The following IGF1R variants were observed in gnomAD, a reference collection of about 807,000 sequenced individuals.
IGF1R encodes the protein insulin like growth factor 1 receptor, also known as insulin-like growth factor 1 receptor.
Under a neutral mutation model 144.6 loss-of-function variants are expected in IGF1R, and 44 were observed. The observed-to-expected ratio is 0.30, with a 90% CI of 0.24 to 0.39. IGF1R has a LOEUF of 0.39. IGF1R is among the 10% of genes least tolerant of loss of function. IGF1R has a pLI of 1.00. For synonymous variants in IGF1R, 795 were observed against 722.8 expected (o/e 1.10, Z -1.60); for missense variants, 1,355 against 1,833.7 (o/e 0.74, Z 4.77).
chr15:98,864,416 C>A (rs941527533), intron 2 of IGF1R, among the ~76,000 whole-genome samples: 1 of 152,300 alleles, frequency 6.6e-6, no homozygotes, highest in South Asian at 2.1e-4. Flanking sequence ...GACATCTTGG[C>A]CTGTCACCCA....
Position 98,662,037 on chromosome 15 carries a change from A to G in IGF1R, c.94+12362A>G, listed in dbSNP as rs1255271176. 2.1e-5 allele frequency among the ~76,000 whole-genome samples: 3 copies of G among 141,036 alleles called. No homozygotes were observed. In the Admixed American group the frequency reaches 2.4e-4, roughly 11 times the overall value. 92.5% of individuals were successfully genotyped at this position (141,036 alleles called of 152,430 possible). A position where few individuals can be genotyped will look rare whatever the true frequency, so the allele number is the denominator to read the frequency against. On this transcript the variant is annotated intron_variant, in intron 1 of 20. Transcript: ENST00000650285. ...GAGTGCAGTGGTGCAATCTCCGCTC[A>G]CTGCAACCTCTGCCTTACTGCAACC...
At position 98,961,900 on chromosome 15, in the gene IGF1R, C is replaced by T. The variant is rs2654981; in HGVS notation, c.*4458C>T. On this transcript the variant is annotated 3_prime_UTR_variant, in exon 21 of 21. Transcript: ENST00000650285. Reference sequence around the variant, plus strand: ...GATGCGGAGTCACATTTCAATGGTACGAAAAGTGGCTTCGTAAAATAGAAG... The same window carrying T: ...GATGCGGAGTCACATTTCAATGGTATGAAAAGTGGCTTCGTAAAATAGAAG... 3.4e-5 allele frequency: 8 copies of T among 233,022 alleles called. No homozygotes were observed. Among genetic ancestry groups the T allele is most frequent in the Non-Finnish European group, 6.8e-5 (8 of 118,032 alleles). 14.4% of individuals were successfully genotyped at this position (233,022 alleles called of 1,614,324 possible).
chr15:98,739,016 A>T (rs1360045674), intron 2 of IGF1R, among the ~76,000 whole-genome samples: 1 of 152,186 alleles, frequency 6.6e-6, no homozygotes, highest in Non-Finnish European at 1.5e-5. Context: ...TCTGAGTGAC[A>T]TCTTGCCTTG....
intron 8 of IGF1R, among the ~76,000 whole-genome samples, chr15:98,915,472 A>G (rs928042952): frequency 1.3e-5 from 2 of 152,116 alleles, no homozygotes; most frequent in African/African-American, 4.8e-5. Flanking sequence ...ACTCCTTCAC[A>G]CACACAGACT....
chr15:98,956,910 A>G, intron 20 of IGF1R, 151 bp from the exon 21 acceptor site: 1 of 864,284 alleles, frequency 1.2e-6, no homozygotes, highest in Non-Finnish European at 1.9e-6. Flanking sequence ...CCATCCAGGC[A>G]GAAAGCCAGG....
chr15:98,868,359 G>GT (rs755693206), intron 2 of IGF1R, among the ~76,000 whole-genome samples: 1,877 of 78,214 alleles, frequency 0.024, 31 homozygotes, highest in Middle Eastern at 0.12. Flanking sequence ...AATCTGTTGG[G>GT]TTTTTTTTTT....
intron 1 of IGF1R, among the ~76,000 whole-genome samples, chr15:98,691,367 GT>G (rs746317149): frequency 0.32 from 41,697 of 131,836 alleles, 5,927 homozygotes; most frequent in African/African-American, 0.45. Flanking sequence ...GGTTTTTTTT[GT>G]TTTTTTTTTT....
intron 2 of IGF1R, among the ~76,000 whole-genome samples, chr15:98,865,659 G>T (rs777304113): frequency 5.3e-5 from 8 of 152,196 alleles, no homozygotes; most frequent in Non-Finnish European, 1.2e-4. Flanking sequence ...ATTTGGAAAT[G>T]CGTAAAAGGT....
At position 98,891,487 on chromosome 15, in the gene IGF1R, C is replaced by A. The variant is rs2013913623; in HGVS notation, c.803C>A (p.Thr268Asn). 2 of 1,614,124 alleles carry A rather than the reference C, an allele frequency of 1.2e-6. No individual in the cohort carries two copies. The highest frequency in any genetic ancestry group is 1.6e-4 in the Middle Eastern group (1 of 6,062). ...GVCVPACPPN[T>N]YRFEGWRCVD... is the part of the protein sequence containing the mutation. The stretch of plus-strand genomic sequence containing the variant: ...TGTGTGCCTGCCTGCCCGCCCAACA[C>A]CTACAGGTTTGAGGGCTGGCGCTGT... The change falls in exon 3 of 21, where the codon ACC (threonine) becomes AAC (asparagine). Residue 268 changes from threonine (T) to asparagine (N), a missense_variant. Thr to Asn is a moderately conservative substitution (Grantham distance 65, BLOSUM62 0). Coordinates refer to ENST00000650285, the MANE Select transcript of IGF1R (RefSeq NM_000875.5). This position sits in a 1 kb window ranked among gnomAD's most constrained non-coding sequence, Gnocchi z 4.7.
chr15:98,846,595 C>G (rs1399077665), intron 2 of IGF1R, among the ~76,000 whole-genome samples: 2 of 152,188 alleles, frequency 1.3e-5, no homozygotes, highest in Non-Finnish European at 2.9e-5. Context: ...GAGGCACTGT[C>G]CAGTCTCTGG....
intron 2 of IGF1R, among the ~76,000 whole-genome samples, chr15:98,733,531 G>A (rs1156739417): frequency 1.3e-5 from 2 of 151,102 alleles, no homozygotes; most frequent in Admixed American, 1.3e-4. Flanking sequence ...TGGTCCAGAC[G>A]AGGCCAGAGG....
intron 2 of IGF1R, among the ~76,000 whole-genome samples, chr15:98,824,634 G>A (rs1320926707): frequency 3.3e-5 from 5 of 152,120 alleles, no homozygotes; most frequent in Admixed American, 3.3e-4. Context: ...CCAAAAGGCT[G>A]GGCCCTTGTC....
At chr15:98,933,885 C>T (rs1035566047) in intron 15 of IGF1R, among the ~76,000 whole-genome samples, 3 of 152,192 alleles carry the variant, frequency 2.0e-5, no homozygotes, top group Admixed American at 2.0e-4. Context: ...AGGGATCCAG[C>T]CATCAAAGCC....
rs1315369578 is a variant in IGF1R at position 98,948,556 on chromosome 15, G to A, written c.3588-18G>A. On this transcript the variant is annotated intron_variant, in intron 19 of 20. Coordinates refer to ENST00000650285, the MANE Select transcript of IGF1R (RefSeq NM_000875.5). ...TCCATCCCTTTCCAAGCTCCTCACA[G>A]TTTTTTTCTCCCTGTAGGTCCTTCG... 2.5e-6 allele frequency: 4 copies of A among 1,613,414 alleles called. No homozygotes were observed. The highest frequency in any genetic ancestry group is 2.2e-5 in the South Asian group (2 of 91,052).
intron 1 of IGF1R, chr15:98,650,831 C>T (rs2052343928): frequency 1.2e-6 from 1 of 869,234 alleles, no homozygotes; most frequent in Non-Finnish European, 1.4e-6. Flanking sequence ...AGTGTCGCTC[C>T]ACATTCGCTG....
chr15:98,933,814 A>T (rs1326808562), intron 15 of IGF1R, among the ~76,000 whole-genome samples: 1 of 152,020 alleles, frequency 6.6e-6, no homozygotes, highest in African/African-American at 2.4e-5. Context: ...TTGCCTGTCC[A>T]CGCTGGGCAC....
At chr15:98,764,698 A>G (rs73475653) in intron 2 of IGF1R, among the ~76,000 whole-genome samples, 2,532 of 152,290 alleles carry the variant, frequency 0.017, 67 homozygotes, top group African/African-American at 0.058. Flanking sequence ...ATACTGTTCT[A>G]TTTCCAGCTC....
chr15:98,767,799 C>T (rs1053367699), intron 2 of IGF1R, among the ~76,000 whole-genome samples: 4 of 152,208 alleles, frequency 2.6e-5, no homozygotes, highest in African/African-American at 9.6e-5. Flanking sequence ...AGGGCTTCCA[C>T]CTCCTGCTGG....
At chr15:98,887,211 G>A (rs964755320) in intron 2 of IGF1R, among the ~76,000 whole-genome samples, 11 of 152,012 alleles carry the variant, frequency 7.2e-5, no homozygotes, top group Admixed American at 3.3e-4. Flanking sequence ...GTTGTGGCAC[G>A]GACTGACTGA....
Sources: gnomAD v4.1 joint callset for allele counts (sites outside exome capture counted in the v4.1 genomes callset) on GRCh38, gnomAD v4.1.1 for gene constraint, Gnocchi (gnomAD v3.1) non-coding constraint, MANE v1.5 for transcripts, NCBI Gene and HGNC (gene_info 2026-07-23, HGNC 2026-07-21) for gene names.